Variants in IL22 observed in about 807,000 individuals in gnomAD.
IL22 encodes interleukin-22.
In IL22, 15 loss-of-function variants were observed where a neutral mutation model predicts 15.5. That is an observed-to-expected ratio of 0.97 (90% CI 0.65 to 1.49). The LOEUF (loss-of-function observed/expected upper bound fraction) is 1.49, where lower values mean the gene tolerates loss of function less well. Ranked by LOEUF, IL22 falls within the 40% of genes most tolerant of loss-of-function variation. IL22 has a pLI of 0.00. For missense variants in IL22, 225 were observed against 215.4 expected (o/e 1.04, Z -0.28); for synonymous variants, 91 against 82.0 (o/e 1.11, Z -0.60).
chr12:68,251,472 C>A (rs1456333286), intron 5 of IL22, 41 bp downstream of exon 5: 1 of 1,383,336 alleles, frequency 7.2e-7, no homozygotes. Context: ...ACATTTGTCT[C>A]TCCTATTGCA....
At chr12:68,251,416 G>C in intron 5 of IL22, 97 bp downstream of exon 5, 3 of 900,056 alleles carry the variant, frequency 3.3e-6, no homozygotes, top group Non-Finnish European at 5.6e-6. Context: ...GGAGAATCAA[G>C]TGAAAAATCA....
chr12:68,253,534 A>G, intron 1 of IL22, 40 bp from the exon 2 acceptor site: 1 of 1,064,022 alleles, frequency 9.4e-7, no homozygotes, highest in South Asian at 1.8e-5. Flanking sequence ...TTAGTCAAGA[A>G]GTATTTCATC....
chr12:68,249,866 C>T (rs1049885032), intron 5 of IL22, among the ~76,000 whole-genome samples: 1 of 152,150 alleles, frequency 6.6e-6, no homozygotes, highest in Non-Finnish European at 1.5e-5. Context: ...TTCACCTTTC[C>T]ATACTTCTTT....
At chr12:68,251,714 A>G (rs931538847) in intron 4 of IL22, 136 bp from the exon 5 acceptor site, 4 of 652,146 alleles carry the variant, frequency 6.1e-6, no homozygotes, top group African/African-American at 5.4e-5. Context: ...CTAGATTTCA[A>G]CAGTGACCTA....
chr12:68,251,713 A>C (rs1183421830), intron 4 of IL22, 135 bp from the exon 5 acceptor site: 3 of 655,866 alleles, frequency 4.6e-6, no homozygotes, highest in Non-Finnish European at 5.5e-6. Flanking sequence ...CCTAGATTTC[A>C]ACAGTGACCT....
At chr12:68,249,246 T>C (rs1869843840) in intron 5 of IL22, among the ~76,000 whole-genome samples, 1 of 152,182 alleles carries the variant, frequency 6.6e-6, no homozygotes, top group Non-Finnish European at 1.5e-5. Flanking sequence ...GCTCCAAAAC[T>C]ATCTATGACA....
In IL22 at chr12:68,248,883, A is replaced by G; in HGVS notation, c.463-7T>C. On this transcript the variant is annotated splice_polypyrimidine_tract_variant and splice_region_variant and intron_variant, in intron 5 of 5. Transcript: ENST00000538666. ...TCTCTCCACTCTCTCCAAGCTGTGAAAATAAGAATGCAAAAGTATTTGAGC... is the reference window on the plus strand; with the variant it reads ...TCTCTCCACTCTCTCCAAGCTGTGAGAATAAGAATGCAAAAGTATTTGAGC... 6.2e-7 allele frequency: 1 copy of G among 1,608,826 alleles called. No homozygotes were observed. The highest frequency in any genetic ancestry group is 8.5e-7 in the Non-Finnish European group (1 of 1,175,830).
intron 5 of IL22, among the ~76,000 whole-genome samples, 191 bp downstream of exon 5, chr12:68,251,322 A>G (rs946124107): frequency 2.0e-5 from 3 of 152,216 alleles, no homozygotes; most frequent in African/African-American, 7.2e-5. Context: ...CTAGAATTCT[A>G]CAATTTGCAA....
At chr12:68,249,670 T>C (rs1313216390) in intron 5 of IL22, among the ~76,000 whole-genome samples, 1 of 152,204 alleles carries the variant, frequency 6.6e-6, no homozygotes, top group Non-Finnish European at 1.5e-5. Flanking sequence ...TCATTCTTTC[T>C]CTCTCCAAGT....
At chr12:68,249,487 C>T (rs2227505) in intron 5 of IL22, among the ~76,000 whole-genome samples, 1,954 of 152,318 alleles carry the variant, frequency 0.013, 47 homozygotes, top group African/African-American at 0.045. Context: ...TGATTTAAAA[C>T]ATCTCTACTC....
intron 2 of IL22, 56 bp downstream of exon 2, chr12:68,253,207 G>T: frequency 6.8e-7 from 1 of 1,461,922 alleles, no homozygotes; most frequent in South Asian, 1.3e-5. Flanking sequence ...AAAAGTTTAA[G>T]AACTATTTGG....
intron 4 of IL22, among the ~76,000 whole-genome samples, chr12:68,252,114 C>G (rs1869952427): frequency 6.6e-6 from 1 of 152,148 alleles, no homozygotes; most frequent in Admixed American, 6.5e-5. Context: ...TAAGCCTTCC[C>G]ATTTCCCACT....
Position 68,248,799 on chromosome 12 carries a change from T to C in IL22, c.540A>G (p.Ter180TrpextTer5), listed in dbSNP as rs1437623489. The change falls in exon 6 of 6, where the codon TGA becomes TGG. Residue 180 changes from the stop codon to tryptophan (W), a stop_lost. Coordinates refer to ENST00000538666, the MANE Select transcript of IL22 (RefSeq NM_020525.5). Reference sequence around the variant, plus strand: ...TATTCATTTTTCAGCTTTGCTCTGGTCAAATGCAGGCATTTCTCAGAGACA... The same window carrying C: ...TATTCATTTTTCAGCTTTGCTCTGGCCAAATGCAGGCATTTCTCAGAGACA... ...LFMSLRNACI[*>W] 6.2e-7 allele frequency: 1 copy of C among 1,610,406 alleles called. No individual in the cohort carries two copies. The highest frequency in any genetic ancestry group is 1.1e-5 in the South Asian group (1 of 90,846).
rs1168217376 is a variant in IL22, at chr12:68,248,381, G to T, written c.*418C>A. ...ATAAATAAATCCATATTAATAAAAT[G>T]ATATAAATAAAATGCAGTCTTATAA... On this transcript the variant is annotated 3_prime_UTR_variant, in exon 6 of 6. Coordinates refer to ENST00000538666, the MANE Select transcript of IL22 (RefSeq NM_020525.5). 3 of 151,794 alleles carry T rather than the reference G, an allele frequency of 2.0e-5. No individual in the cohort carries two copies. Among genetic ancestry groups the T allele is most frequent in the Non-Finnish European group, 4.4e-5 (3 of 67,996 alleles). 9.4% of individuals were successfully genotyped at this position (151,794 alleles called of 1,614,324 possible). A position where few individuals can be genotyped will look rare whatever the true frequency, so the allele number is the denominator to read the frequency against.
At chr12:68,250,466 C>G (rs1457804335) in intron 5 of IL22, among the ~76,000 whole-genome samples, 3 of 152,102 alleles carry the variant, frequency 2.0e-5, no homozygotes, top group Non-Finnish European at 4.4e-5. Context: ...GGAAGAAACG[C>G]TTTTTTAAAA....
In IL22 at chr12:68,252,501, T is replaced by C; in HGVS notation, c.396+3A>G. The stretch of plus-strand genomic sequence containing the variant: ...GTGGGCATAGGCTGAGAGCTGAACT[T>C]ACACATGTGCTTAGCCTGTTGCTGA... On this transcript the variant is annotated splice_donor_region_variant and intron_variant, in intron 4 of 5. Transcript: ENST00000538666. 1 of 1,613,610 alleles carries C rather than the reference T, an allele frequency of 6.2e-7. No individual in the cohort carries two copies. The highest frequency in any genetic ancestry group is 8.5e-7 in the Non-Finnish European group (1 of 1,179,874).
Position 68,248,650 on chromosome 12 carries a change from T to G in IL22, c.*149A>C. ...AAGTGGCATTGGTTTCCTTTGTAAC[T>G]AACGCAGGGGTTCATTTGGAATCCA... is the stretch of plus-strand genomic sequence containing the variant. On this transcript the variant is annotated 3_prime_UTR_variant, in exon 6 of 6. Coordinates refer to ENST00000538666, the MANE Select transcript of IL22 (RefSeq NM_020525.5). The G allele has an allele frequency of 1.6e-6, 1 of 639,038 alleles. No homozygotes were observed. Among genetic ancestry groups the G allele is most frequent in the South Asian group, 2.1e-5 (1 of 47,622 alleles). The allele number at this position is 639,038 out of a possible 1,614,324, so 39.6% of individuals were successfully genotyped here. A position where few individuals can be genotyped will look rare whatever the true frequency, so the allele number is the denominator to read the frequency against.
At chr12:68,249,699 C>T (rs1869861525) in intron 5 of IL22, among the ~76,000 whole-genome samples, 1 of 152,102 alleles carries the variant, frequency 6.6e-6, no homozygotes, top group South Asian at 2.1e-4. Flanking sequence ...GATGAGGATC[C>T]CAAACTTAAT....
chr12:68,252,432 G>C, intron 4 of IL22, 72 bp downstream of exon 4: 1 of 1,499,156 alleles, frequency 6.7e-7, no homozygotes, highest in Non-Finnish European at 9.2e-7. Flanking sequence ...AGGAGAGAGA[G>C]TTGGGGTAAG....
Sources: allele counts gnomAD v4.1 joint callset (sites outside exome capture counted in the v4.1 genomes callset), GRCh38; gene constraint gnomAD v4.1.1; transcripts MANE v1.5; gene names NCBI Gene and HGNC (gene_info 2026-07-23, HGNC 2026-07-21).